FN1: variants seen among roughly 807,000 people sequenced by gnomAD.
FN1 encodes the protein fibronectin 1.
A neutral mutation model predicts 297.3 loss-of-function variants in FN1; 106 were observed. That is an observed-to-expected ratio of 0.36 (90% CI 0.30 to 0.42). The LOEUF (loss-of-function observed/expected upper bound fraction) is 0.42, where lower values mean the gene tolerates loss of function less well. Ranked by LOEUF, FN1 falls within the 10% of genes least tolerant of loss-of-function variation. FN1 has a pLI of 1.00. For synonymous variants in FN1, 1,149 were observed against 1,152.6 expected, an observed-to-expected ratio of 1.00 and a Z score of 0.06; for missense variants, 2,690 against 3,124.9, an observed-to-expected ratio of 0.86 and a Z score of 3.32.
chr2:215,361,582 C>T lies in FN1; in HGVS notation c.7407G>A (p.Gln2469=). ...ACTCTCGGGAATCTTCTCTGTCAGC[C>T]TGTACATCTAAAGGCATGAAGCACT... The part of the protein sequence containing the change: ...PIECFMPLDV[Q]ADREDSRE Residue 2469 remains glutamine, a synonymous_variant, in exon 46 of 46, where the codon CAG becomes CAA. Transcript: ENST00000354785. 1.9e-6 allele frequency: 3 copies of T among 1,612,118 alleles called. No individual in the cohort carries two copies. Among genetic ancestry groups the T allele is most frequent in the Non-Finnish European group, 2.5e-6 (3 of 1,178,342 alleles).
chr2:215,370,540 CAAAAA>C (rs377315833), intron 40 of FN1, 108 bp from the exon 41 acceptor site: 148 of 304,768 alleles, frequency 4.9e-4, no homozygotes, highest in Middle Eastern at 9.8e-4. Flanking sequence ...CAAAGGAAGA[CAAAAA>C]ACAAAAAACA....
At chr2:215,385,569 A>AAG (rs2058843492) in intron 28 of FN1, among the ~76,000 whole-genome samples, 1 of 41,326 alleles carries the variant, frequency 2.4e-5, no homozygotes, top group African/African-American at 5.2e-5. Context: ...TTCAGGAAGA[A>AAG]AAAAAAAAAA....
chr2:215,382,150 C>G lies in FN1; in HGVS notation c.5164+62G>C, dbSNP rs1575391454. ...GTAATTGCAAAAGACATGTCGTGGG[C>G]ATTCAGACACCCAAGAACAAAATTT... On this transcript the variant is annotated intron_variant, in intron 32 of 45. Coordinates refer to ENST00000354785, the MANE Select transcript of FN1 (RefSeq NM_212482.4). 3.0e-6 allele frequency: 3 copies of G among 989,674 alleles called. No individual in the cohort carries two copies. In the East Asian group the frequency reaches 7.2e-5, roughly 24 times the overall value. 61.3% of individuals were successfully genotyped at this position (989,674 alleles called of 1,614,324 possible). A position where few individuals can be genotyped will look rare whatever the true frequency, so the allele number is the denominator to read the frequency against.
intron 13 of FN1, 118 bp from the exon 14 acceptor site, chr2:215,410,232 C>G (rs1034283077): frequency 5.0e-6 from 5 of 1,004,772 alleles, no homozygotes; most frequent in Non-Finnish European, 7.6e-6. Context: ...TTAGGCAGCT[C>G]CATTCTAGAG....
intron 20 of FN1, among the ~76,000 whole-genome samples, chr2:215,403,978 T>C (rs1425461440): frequency 6.6e-6 from 1 of 152,188 alleles, no homozygotes; most frequent in Non-Finnish European, 1.5e-5. Flanking sequence ...CGTTAACTAG[T>C]GTTTGGTAAA....
intron 6 of FN1, among the ~76,000 whole-genome samples, chr2:215,425,599 C>T (rs1202069634): frequency 6.6e-6 from 1 of 152,134 alleles, no homozygotes; most frequent in African/African-American, 2.4e-5. Context: ...GTTGCCCAGG[C>T]TGGAGTGCAG....
At chr2:215,424,571 A>C (rs1054113713) in intron 7 of FN1, among the ~76,000 whole-genome samples, 3 of 152,166 alleles carry the variant, frequency 2.0e-5, no homozygotes, top group Non-Finnish European at 4.4e-5. Flanking sequence ...GCCATGCCTC[A>C]GTTTCTCTAT....
chr2:215,387,198 T>A (rs1238612191), intron 27 of FN1, among the ~76,000 whole-genome samples: 1 of 152,174 alleles, frequency 6.6e-6, no homozygotes, highest in East Asian at 1.9e-4. Context: ...TTTTTTCTTG[T>A]GCTAAGTAAT....
At chr2:215,408,463 A>G (rs2062096817) in intron 15 of FN1, 37 bp from the exon 16 acceptor site, 1 of 1,609,622 alleles carries the variant, frequency 6.2e-7, no homozygotes, top group African/African-American at 1.3e-5. Context: ...AATCAGAGCA[A>G]ACTAGTCCCT....
intron 3 of FN1, 104 bp from the exon 4 acceptor site, chr2:215,432,068 C>T (rs947245870): frequency 1.1e-5 from 14 of 1,319,862 alleles, no homozygotes; most frequent in South Asian, 1.2e-5. Context: ...AAAGTAGAGA[C>T]ACAGACAACA....
intron 42 of FN1, among the ~76,000 whole-genome samples, chr2:215,367,021 G>A (rs1037575275): frequency 2.6e-5 from 4 of 152,142 alleles, no homozygotes; most frequent in Non-Finnish European, 4.4e-5. Flanking sequence ...TACAAGTTAA[G>A]TAAAATACTT....
chr2:215,361,432 T>C lies in FN1; in HGVS notation c.*123A>G. On this transcript the variant is annotated 3_prime_UTR_variant, in exon 46 of 46. Coordinates refer to ENST00000354785, the MANE Select transcript of FN1 (RefSeq NM_212482.4). ...GTGAGTTGAGCTGAAGCTGGAGAAC[T>C]TCCTCCAGAGCAAAGGGCTTAAGAA... 1 of 804,976 alleles carries C rather than the reference T, an allele frequency of 1.2e-6. No homozygotes were observed. The allele number at this position is 804,976 out of a possible 1,614,324, so 49.9% of individuals were successfully genotyped here.
At chr2:215,430,681 G>A (rs1559603473) in intron 5 of FN1, 34 bp downstream of exon 5, 1 of 1,611,014 alleles carries the variant, frequency 6.2e-7, no homozygotes, top group Non-Finnish European at 8.5e-7. Context: ...AACAATACCT[G>A]GCTTAATCTT....
intron 6 of FN1, among the ~76,000 whole-genome samples, chr2:215,427,819 C>T (rs918697110): frequency 1.3e-5 from 2 of 152,156 alleles, no homozygotes; most frequent in African/African-American, 4.8e-5. Context: ...TTATAACTCT[C>T]ATTTCCTTTC....
chr2:215,401,504 T>C (rs903050013), intron 20 of FN1, among the ~76,000 whole-genome samples: 3 of 152,322 alleles, frequency 2.0e-5, no homozygotes, highest in Admixed American at 6.5e-5. Context: ...AGTGTGTTCA[T>C]AGCTCTGGTC....
intron 26 of FN1, among the ~76,000 whole-genome samples, chr2:215,388,754 T>G (rs1006022886): frequency 1.3e-5 from 2 of 152,218 alleles, no homozygotes; most frequent in South Asian, 2.1e-4. Context: ...TTTAAAGTGA[T>G]GGGTTTTTAC....
rs1371399260 is a variant in FN1 at position 215,393,483 on chromosome 2, T to G, written c.3797-280A>C. On this transcript the variant is annotated intron_variant, in intron 24 of 45. Transcript: ENST00000354785. The stretch of plus-strand genomic sequence containing the variant: ...GAAAACATCCTTAAAGGGTACAATT[T>G]GAACTGTTCAGATTCCTAAAAATCA... 4 of 159,610 alleles carry G rather than the reference T, an allele frequency of 2.5e-5. No homozygotes were observed. The Admixed American group carries it at 2.6e-4, about 10-fold the overall frequency. 9.9% of individuals were successfully genotyped at this position (159,610 alleles called of 1,614,324 possible).
chr2:215,397,669 ATTC>A lies in FN1; in HGVS notation c.3517+8_3517+10del, dbSNP rs778979822. The A allele has an allele frequency of 6.8e-6, 11 of 1,613,512 alleles. No homozygotes were observed. The highest frequency in any genetic ancestry group is 1.3e-5 in the African/African-American group (1 of 75,056). ...TAAAAACTAATAGAAAAGGGAAAAAATTCTTCTTACGTGTCACCACTTTGTTTA... is the reference window on the plus strand; with the variant it reads ...TAAAAACTAATAGAAAAGGGAAAAAATTCTTACGTGTCACCACTTTGTTTA... On this transcript the variant is annotated splice_region_variant and intron_variant, in intron 22 of 45. Coordinates refer to ENST00000354785, the MANE Select transcript of FN1 (RefSeq NM_212482.4).
intron 1 of FN1, 149 bp from the exon 2 acceptor site, chr2:215,434,973 G>A (rs1575936356): frequency 1.1e-6 from 1 of 892,554 alleles, no homozygotes; most frequent in Non-Finnish European, 1.7e-6. Flanking sequence ...CATCTGGCCA[G>A]GGGTCTACAT....
Sources: allele counts gnomAD v4.1 joint callset (sites outside exome capture counted in the v4.1 genomes callset), GRCh38; gene constraint gnomAD v4.1.1; transcripts MANE v1.5; gene names NCBI Gene and HGNC (gene_info 2026-07-23, HGNC 2026-07-21).